USP3: variants seen among roughly 807,000 people sequenced by gnomAD.
USP3 encodes the protein ubiquitin carboxyl-terminal hydrolase 3.
USP3 carries 20 observed loss-of-function variants against 72.3 expected under a neutral mutation model. That is an observed-to-expected ratio of 0.28 (90% CI 0.19 to 0.40). The LOEUF (loss-of-function observed/expected upper bound fraction) is 0.40, where lower values mean the gene tolerates loss of function less well. Ranked by LOEUF, USP3 falls within the 10% of genes least tolerant of loss-of-function variation. The pLI is 1.00. For missense variants in USP3, 479 were observed against 633.9 expected (o/e 0.76, Z 2.62); for synonymous variants, 222 against 225.3 (o/e 0.99, Z 0.13).
chr15:63,515,644 A>G (rs2065841144), intron 1 of USP3: 1 of 152,242 alleles, frequency 6.6e-6, no homozygotes, highest in Admixed American at 6.5e-5. Flanking sequence ...ATAAACTGCT[A>G]TTCTAATTTT....
chr15:63,531,515 A>G (rs56709213), intron 1 of USP3, among the ~76,000 whole-genome samples: 256 of 152,312 alleles, frequency 1.7e-3, no homozygotes, highest in African/African-American at 5.9e-3. Context: ...GGGAGGAGCT[A>G]TTAAACAGTG....
intron 3 of USP3, among the ~76,000 whole-genome samples, chr15:63,539,830 C>CCGTA (rs796106381): frequency 3.3e-5 from 5 of 152,250 alleles, no homozygotes; most frequent in African/African-American, 1.2e-4. Context: ...GGGAATCACC[C>CCGTA]CGTAGCATTA....
chr15:63,541,427 G>T (rs563032267), intron 3 of USP3, among the ~76,000 whole-genome samples: 1 of 152,028 alleles, frequency 6.6e-6, no homozygotes, highest in Non-Finnish European at 1.5e-5. Context: ...CGATTTGGAC[G>T]CAAATTTTCA....
At position 63,574,171 on chromosome 15, in the gene USP3, G is replaced by A. The variant is rs1433609622; in HGVS notation, c.1015+19G>A. The A allele has an allele frequency of 2.0e-6, 3 of 1,495,466 alleles. No individual in the cohort carries two copies. Among genetic ancestry groups the A allele is most frequent in the East Asian group, 2.3e-5 (1 of 43,114 alleles). 92.6% of individuals were successfully genotyped at this position (1,495,466 alleles called of 1,614,324 possible). On this transcript the variant is annotated intron_variant, in intron 10 of 14. Transcript: ENST00000380324. The surrounding 1 kb of genome is among the most constrained non-coding windows in gnomAD (Gnocchi z 4.6). Reference sequence around the variant, plus strand: ...TTCCTAGGTAAGATATATGTGGCATGTGGATATATAATATTTTATTAAAAT... The same window carrying A: ...TTCCTAGGTAAGATATATGTGGCATATGGATATATAATATTTTATTAAAAT...
chr15:63,580,027 C>A (rs2066926963), intron 11 of USP3, among the ~76,000 whole-genome samples: 1 of 151,870 alleles, frequency 6.6e-6, no homozygotes, highest in African/African-American at 2.4e-5. Context: ...CAAGGGTGGA[C>A]AATAGTATGT....
Position 63,588,606 on chromosome 15 carries a change from G to A in USP3, c.1216-96G>A, listed in dbSNP as rs1485954723. On this transcript the variant is annotated intron_variant, in intron 12 of 14. Transcript: ENST00000380324. The surrounding 1 kb of genome is among the most constrained non-coding windows in gnomAD (Gnocchi z 4.6). ...GCATGGAAGAATGATTGATAGGGCA[G>A]CTAAAATGTTATTTACTGAACTGAT... The A allele has an allele frequency of 1.8e-5, 18 of 1,020,178 alleles. No individual in the cohort carries two copies. Among genetic ancestry groups the A allele is most frequent in the Non-Finnish European group, 2.5e-5 (17 of 670,222 alleles). 63.2% of individuals were successfully genotyped at this position (1,020,178 alleles called of 1,614,324 possible). A position where few individuals can be genotyped will look rare whatever the true frequency, so the allele number is the denominator to read the frequency against.
Position 63,594,454 on chromosome 15 carries a change from G to A in USP3, c.*3628G>A, listed in dbSNP as rs1324341189. The A allele has an allele frequency of 6.6e-6, 1 of 152,178 alleles. No individual in the cohort carries two copies. The highest frequency in any genetic ancestry group is 6.5e-5 in the Admixed American group (1 of 15,268). The allele number at this position is 152,178 out of a possible 1,614,324, so 9.4% of individuals were successfully genotyped here. A position where few individuals can be genotyped will look rare whatever the true frequency, so the allele number is the denominator to read the frequency against. The stretch of plus-strand genomic sequence containing the variant: ...GTGTGAGCGTGATGGACTCTAGACT[G>A]CCTTCCATGAGTGTTGGTCATGCTA... On this transcript the variant is annotated 3_prime_UTR_variant, in exon 15 of 15. Coordinates refer to ENST00000380324, the MANE Select transcript of USP3 (RefSeq NM_006537.4).
intron 1 of USP3, among the ~76,000 whole-genome samples, chr15:63,520,364 C>G (rs1455028044): frequency 4.6e-5 from 7 of 152,036 alleles, no homozygotes; most frequent in African/African-American, 1.7e-4. Context: ...TCCAGAATTG[C>G]TAACCCATAC....
intron 1 of USP3, among the ~76,000 whole-genome samples, chr15:63,532,255 G>A (rs1206656616): frequency 6.6e-6 from 1 of 152,172 alleles, no homozygotes; most frequent in Non-Finnish European, 1.5e-5. Flanking sequence ...ATTTGTAGTG[G>A]TCTATGACCT....
At chr15:63,546,887 C>T (rs552051222) in intron 3 of USP3, among the ~76,000 whole-genome samples, 2 of 152,278 alleles carry the variant, frequency 1.3e-5, no homozygotes, top group East Asian at 1.9e-4. Flanking sequence ...GGATTACAGG[C>T]GTGAGCCACC....
chr15:63,562,499 G>A (rs1037618223), intron 7 of USP3, among the ~76,000 whole-genome samples: 2 of 152,224 alleles, frequency 1.3e-5, no homozygotes, highest in East Asian at 3.8e-4. Context: ...GTCTGGGGGT[G>A]CTAGTGAGTG....
intron 3 of USP3, among the ~76,000 whole-genome samples, chr15:63,539,644 A>G (rs556815402): frequency 5.9e-5 from 9 of 152,348 alleles, no homozygotes; most frequent in East Asian, 1.9e-4. Context: ...TAAATGGAAA[A>G]TCTTGAACCT....
intron 4 of USP3, chr15:63,556,442 A>G (rs2066510015): frequency 5.2e-6 from 2 of 383,498 alleles, no homozygotes; most frequent in Non-Finnish European, 9.5e-6. Context: ...CAGCTTTGCC[A>G]GGAGCAGTGT....
chr15:63,537,192 T>G lies in USP3; in HGVS notation c.284+36T>G, dbSNP rs890519503. 1.6e-5 allele frequency: 25 copies of G among 1,592,832 alleles called. No homozygotes were observed. The Admixed American group carries it at 4.0e-4, about 25-fold the overall frequency. On this transcript the variant is annotated intron_variant, in intron 3 of 14. Transcript: ENST00000380324. Reference sequence around the variant, plus strand: ...ATTTTCTGGAAATGAGATTTCTTACTGTGTGCAAGTGTGCTCTCCTCCCCT... The same window carrying G: ...ATTTTCTGGAAATGAGATTTCTTACGGTGTGCAAGTGTGCTCTCCTCCCCT...
intron 1 of USP3, among the ~76,000 whole-genome samples, chr15:63,521,258 G>A (rs1268179475): frequency 6.6e-6 from 1 of 151,572 alleles, no homozygotes; most frequent in East Asian, 1.9e-4. Flanking sequence ...ATGTGCGACA[G>A]TGAATTCAAC....
rs1048720209 is a variant in USP3, at chr15:63,559,973, G to A, written c.647+3G>A. The A allele has an allele frequency of 6.2e-7, 1 of 1,608,096 alleles. No homozygotes were observed. Among genetic ancestry groups the A allele is most frequent in the South Asian group, 1.1e-5 (1 of 89,706 alleles). ...AGGAGCCAAGGGGATAACAATGTGTGAGTTATAAGAGTATGTCCTTTCTGG... is the reference window on the plus strand; with the variant it reads ...AGGAGCCAAGGGGATAACAATGTGTAAGTTATAAGAGTATGTCCTTTCTGG... On this transcript the variant is annotated splice_donor_region_variant and intron_variant, in intron 7 of 14. Coordinates refer to ENST00000380324, the MANE Select transcript of USP3 (RefSeq NM_006537.4).
intron 3 of USP3, among the ~76,000 whole-genome samples, chr15:63,540,578 A>T (rs1202562667): frequency 1.3e-5 from 2 of 152,172 alleles, no homozygotes; most frequent in Non-Finnish European, 2.9e-5. Flanking sequence ...TTTCCTGCAG[A>T]CAACTTAAAT....
chr15:63,585,060 T>C (rs1350155277), intron 11 of USP3, among the ~76,000 whole-genome samples: 1 of 152,218 alleles, frequency 6.6e-6, no homozygotes, highest in East Asian at 1.9e-4. Flanking sequence ...GTTGACTATA[T>C]AGTAAGAGTT....
intron 3 of USP3, among the ~76,000 whole-genome samples, chr15:63,542,547 G>A (rs1030684026): frequency 2.0e-5 from 3 of 151,916 alleles, no homozygotes; most frequent in Non-Finnish European, 4.4e-5. Flanking sequence ...TAATTACCAA[G>A]TAGAGTTAAT....
Sources: allele counts gnomAD v4.1 joint callset (sites outside exome capture counted in the v4.1 genomes callset), GRCh38; gene constraint gnomAD v4.1.1; non-coding constraint Gnocchi (gnomAD v3.1); transcripts MANE v1.5; gene names NCBI Gene and HGNC (gene_info 2026-07-23, HGNC 2026-07-21).